FREM3: variants seen among roughly 807,000 people sequenced by gnomAD.
The protein encoded by FREM3 is FRAS1-related extracellular matrix protein 3.
FREM3 carries 105 observed loss-of-function variants against 129.1 expected under a neutral mutation model. That is an observed-to-expected ratio of 0.81 (90% CI 0.69 to 0.96). The LOEUF (loss-of-function observed/expected upper bound fraction) is 0.96. Ranked by LOEUF, FREM3 falls within the 40% of genes least tolerant of loss-of-function variation. The pLI, the probability that FREM3 is intolerant of heterozygous loss-of-function variation, is 0.00. For synonymous variants in FREM3, 1,014 were observed against 1,044.9 expected (o/e 0.97, Z 0.57); for missense variants, 2,593 against 2,666.3 (o/e 0.97, Z 0.61).
chr4:143,685,866 G>T (rs1478965126), intron 2 of FREM3, among the ~76,000 whole-genome samples: 2 of 152,054 alleles, frequency 1.3e-5, no homozygotes, highest in Non-Finnish European at 2.9e-5. Flanking sequence ...CCTGTCAGGG[G>T]GTGGGGGCCT....
chr4:143,700,046 A>T lies in FREM3; in HGVS notation c.630T>A (p.Leu210=), dbSNP rs11100802. 37 of 1,518,750 alleles carry T rather than the reference A, an allele frequency of 2.4e-5. No individual in the cohort carries two copies. Among genetic ancestry groups the T allele is most frequent in the Non-Finnish European group, 3.2e-5 (36 of 1,135,484 alleles). 94.1% of individuals were successfully genotyped at this position (1,518,750 alleles called of 1,614,324 possible). A position where few individuals can be genotyped will look rare whatever the true frequency, so the allele number is the denominator to read the frequency against. Residue 210 remains leucine, a synonymous_variant, in exon 1 of 8, where the codon CTT becomes CTA. Coordinates refer to ENST00000329798, the MANE Select transcript of FREM3 (RefSeq NM_001168235.2). ...SGATATRRCR[L]TPLPHEDGPL... is the part of the protein sequence containing the mutation. The stretch of plus-strand genomic sequence containing the variant: ...GGCCGTCCTCGTGAGGAAGTGGGGT[A>T]AGCCGGCACCTGCGGGTGGCCGTGG...
At position 143,590,402 on chromosome 4, in the gene FREM3, G is replaced by C. The variant is rs1459595099; in HGVS notation, c.6029-4409C>G. Among the ~76,000 whole-genome samples the C allele has an allele frequency of 5.3e-5, 8 of 152,252 alleles. No individual in the cohort carries two copies. The South Asian group carries it at 1.5e-3, about 28-fold the overall frequency. ...TCATAGATAGCTCTTATTATTTTGT[G>C]ATACGTCCCATCAATACCTAATTTA... On this transcript the variant is annotated intron_variant, in intron 6 of 7. Coordinates refer to ENST00000329798, the MANE Select transcript of FREM3 (RefSeq NM_001168235.2).
chr4:143,699,087 A>G lies in FREM3; in HGVS notation c.1589T>C (p.Phe530Ser). ...AGGTAGGATGGTGAGGGGAAAGAGG[A>G]AGTCCACTTGGTGGTGCCCGTCCTC... ...RMEDGHHQVD[F>S]LFPLTILPVD... Residue 530 changes from phenylalanine to serine, a missense_variant, in exon 1 of 8, where the codon TTC becomes TCC. By Grantham distance (155) the Phe-to-Ser change is radical. Coordinates refer to ENST00000329798, the MANE Select transcript of FREM3 (RefSeq NM_001168235.2). The surrounding 1 kb of genome is among the most constrained non-coding windows in gnomAD (Gnocchi z 4.2). 6.5e-7 allele frequency: 1 copy of G among 1,537,284 alleles called. No homozygotes were observed.
At chr4:143,646,824 G>A (rs546497203) in intron 2 of FREM3, among the ~76,000 whole-genome samples, 2 of 152,340 alleles carry the variant, frequency 1.3e-5, no homozygotes, top group African/African-American at 4.8e-5. Flanking sequence ...AAATGTGGAA[G>A]CGACTTTGGA....
chr4:143,579,801 G>A (rs148844348), intron 7 of FREM3, among the ~76,000 whole-genome samples: 30 of 152,218 alleles, frequency 2.0e-4, no homozygotes, highest in African/African-American at 6.0e-4. Flanking sequence ...TAACCTTAGC[G>A]GATGTCAAAT....
chr4:143,661,983 T>G (rs1311901665), intron 2 of FREM3, among the ~76,000 whole-genome samples: 1 of 152,026 alleles, frequency 6.6e-6, no homozygotes, highest in Non-Finnish European at 1.5e-5. Flanking sequence ...TCTCTCTTTT[T>G]TTCTTTATTA....
chr4:143,695,494 G>C lies in FREM3; in HGVS notation c.5182C>G (p.Gln1728Glu), dbSNP rs1190343893. Residue 1728 changes from glutamine (Q) to glutamate (E), a missense_variant, in exon 1 of 8, where the codon CAA (glutamine) becomes GAA (glutamate). Gln to Glu is a conservative substitution (Grantham distance 29, BLOSUM62 2). Coordinates refer to ENST00000329798, the MANE Select transcript of FREM3 (RefSeq NM_001168235.2). ...GCAGGGAAGAATACATACTAACCTT[G>C]TGTAAACACTCGAGTGCTCTGGTTT... The part of the protein sequence containing the change: ...LGNQSTRVFT[Q>E]ADIDEMKISY... 1 of 1,536,154 alleles carries C rather than the reference G, an allele frequency of 6.5e-7. No individual in the cohort carries two copies. The highest frequency in any genetic ancestry group is 8.7e-7 in the Non-Finnish European group (1 of 1,146,256).
At chr4:143,598,102 C>T (rs1738513899) in intron 6 of FREM3, among the ~76,000 whole-genome samples, 1 of 152,216 alleles carries the variant, frequency 6.6e-6, no homozygotes, top group Non-Finnish European at 1.5e-5. Flanking sequence ...AAGTCCCCAC[C>T]TCCTAATGCT....
chr4:143,667,441 T>A (rs556573631), intron 2 of FREM3, among the ~76,000 whole-genome samples: 3 of 152,292 alleles, frequency 2.0e-5, no homozygotes, highest in Admixed American at 6.5e-5. Context: ...AAAAAGGAAC[T>A]GGGAAATCTA....
rs1740657870 is a variant in FREM3, at chr4:143,699,777, G to C, written c.899C>G (p.Ala300Gly). ...FQLLVRIRGG[A>G]ENTPPRPSFM... ...GCTGGGCCTGGGCGGTGTGTTCTCG[G>C]CTCCGCCGCGGATCCTCACGAGCAG... The change falls in exon 1 of 8, where the codon GCC (alanine) becomes GGC (glycine). Residue 300 changes from alanine to glycine, a missense_variant. Ala to Gly is a moderately conservative substitution (Grantham distance 60). Coordinates refer to ENST00000329798, the MANE Select transcript of FREM3 (RefSeq NM_001168235.2). The surrounding 1 kb of genome is among the most constrained non-coding windows in gnomAD (Gnocchi z 4.2). 2.0e-6 allele frequency: 3 copies of C among 1,534,116 alleles called. No homozygotes were observed. The highest frequency in any genetic ancestry group is 2.6e-6 in the Non-Finnish European group (3 of 1,145,528).
At chr4:143,592,456 C>T (rs1201539300) in intron 6 of FREM3, among the ~76,000 whole-genome samples, 2 of 152,184 alleles carry the variant, frequency 1.3e-5, no homozygotes, top group Non-Finnish European at 2.9e-5. Context: ...AATCTCTCAG[C>T]ATTTGCTTGT....
At chr4:143,621,795 G>A (rs4835212) in intron 4 of FREM3, among the ~76,000 whole-genome samples, 151,994 of 152,354 alleles carry the variant, frequency 1, 75,820 homozygotes, top group Middle Eastern at 1. Flanking sequence ...TGAAATATCA[G>A]TATGAATATT....
chr4:143,690,657 A>G (rs1021108519), intron 2 of FREM3, among the ~76,000 whole-genome samples: 8 of 152,212 alleles, frequency 5.3e-5, no homozygotes, highest in African/African-American at 1.7e-4. Context: ...TCAACATTCC[A>G]TTTGGGAAAT....
At chr4:143,693,627 G>C (rs760001849) in intron 1 of FREM3, among the ~76,000 whole-genome samples, 1 of 152,128 alleles carries the variant, frequency 6.6e-6, no homozygotes. Context: ...AAATCATTCT[G>C]TCATAAAGAC....
rs764157739 is a variant in FREM3 at position 143,699,524 on chromosome 4, C to T, written c.1152G>A (p.Glu384=). 15 of 1,537,154 alleles carry T rather than the reference C, an allele frequency of 9.8e-6. No homozygotes were observed. Among genetic ancestry groups the T allele is most frequent in the African/African-American group, 2.7e-5 (2 of 73,042 alleles). Residue 384 remains glutamate, a synonymous_variant, in exon 1 of 8, where the codon GAG becomes GAA. Coordinates refer to ENST00000329798, the MANE Select transcript of FREM3 (RefSeq NM_001168235.2). This position sits in a 1 kb window ranked among gnomAD's most constrained non-coding sequence, Gnocchi z 4.2. ...VSFFTQQELR[E]LKIAYQPPAE... is the part of the protein sequence containing the mutation. ...CAGGGGGCTGATAGGCAATCTTCAG[C>T]TCCCTCAGCTCCTGCTGGGTGAAGA...
At chr4:143,661,361 C>G (rs937837336) in intron 2 of FREM3, among the ~76,000 whole-genome samples, 1 of 152,106 alleles carries the variant, frequency 6.6e-6, no homozygotes, top group African/African-American at 2.4e-5. Context: ...TGGTTTTTGT[C>G]TTTGGTTCTG....
intron 2 of FREM3, chr4:143,645,009 A>T (rs1187074051): frequency 6.6e-6 from 1 of 152,230 alleles, no homozygotes; most frequent in African/African-American, 2.4e-5. Flanking sequence ...GATAAAGCGA[A>T]CTGGGGATAA....
intron 2 of FREM3, among the ~76,000 whole-genome samples, chr4:143,641,557 A>G (rs1231311428): frequency 6.6e-6 from 1 of 152,196 alleles, no homozygotes; most frequent in Non-Finnish European, 1.5e-5. Flanking sequence ...CAGCTCTGTA[A>G]TCATAATATC....
chr4:143,643,502 G>A (rs1739359338), intron 2 of FREM3, among the ~76,000 whole-genome samples: 1 of 151,906 alleles, frequency 6.6e-6, no homozygotes, highest in Non-Finnish European at 1.5e-5. Flanking sequence ...AAATCATGTT[G>A]TTTACAACAA....
Sources: gnomAD v4.1 joint callset for allele counts (sites outside exome capture counted in the v4.1 genomes callset) on GRCh38, gnomAD v4.1.1 for gene constraint, Gnocchi (gnomAD v3.1) non-coding constraint, MANE v1.5 for transcripts, NCBI Gene and HGNC (gene_info 2026-07-23, HGNC 2026-07-21) for gene names.